Variants in CLEC2A observed in about 807,000 individuals in gnomAD.
CLEC2A encodes the protein C-type lectin domain family 2 member A, also known as keratinocyte-associated C-type lectin.
A neutral mutation model predicts 18.6 loss-of-function variants in CLEC2A; 19 were observed. The observed-to-expected ratio is 1.02, with a 90% confidence interval of 0.71 to 1.50. The LOEUF (loss-of-function observed/expected upper bound fraction) is 1.50. Among genes scored for constraint, CLEC2A ranks in the 40% most tolerant of loss-of-function variants. The pLI is 0.00. For missense variants in CLEC2A, 190 were observed against 207.9 expected, an observed-to-expected ratio of 0.91 and a Z score of 0.53; for synonymous variants, 74 against 64.0, an observed-to-expected ratio of 1.16 and a Z score of -0.75.
At chr12:9,909,657 C>T (rs934208937), downstream of CLEC2A, among the ~76,000 whole-genome samples, 3 of 152,142 alleles carry the variant, frequency 2.0e-5, no homozygotes, top group African/African-American at 7.2e-5. Flanking sequence ...GAGCTGATTC[C>T]CCAGGGATAG....
chr12:9,929,629 T>C (rs1364050702), intron 1 of CLEC2A, among the ~76,000 whole-genome samples: 1 of 152,152 alleles, frequency 6.6e-6, no homozygotes, highest in East Asian at 1.9e-4. Context: ...ATATGAATTT[T>C]TAACTGCTTT....
At chr12:9,907,488 G>C (rs112014144) in intron 4 of CLEC2A, among the ~76,000 whole-genome samples, 227 of 152,176 alleles carry the variant, frequency 1.5e-3, no homozygotes, top group African/African-American at 5.3e-3. Flanking sequence ...CTACTTGTTC[G>C]GGTCCCATCC....
At chr12:9,926,490 T>A in intron 1 of CLEC2A, 147 bp from the exon 2 acceptor site, 2 of 613,118 alleles carry the variant, frequency 3.3e-6, no homozygotes, top group Admixed American at 2.8e-5. Flanking sequence ...TAGCAAACCA[T>A]CAAAAAGTGC....
At chr12:9,889,443 C>T in the CLEC2A span, among the ~76,000 whole-genome samples, 46 of 152,114 alleles carry the variant, frequency 3.0e-4, no homozygotes, top group African/African-American at 1.1e-3. Flanking sequence ...GGATCTTATC[C>T]AATCAATTGA....
chr12:9,904,287 G>A (rs1438238321), intron 4 of CLEC2A, among the ~76,000 whole-genome samples: 1 of 152,204 alleles, frequency 6.6e-6, no homozygotes, highest in Non-Finnish European at 1.5e-5. Context: ...GCTGTGGGGT[G>A]TTGGGAGAGA....
At chr12:9,930,057 AC>A (rs1863349933) in intron 1 of CLEC2A, among the ~76,000 whole-genome samples, 1 of 152,202 alleles carries the variant, frequency 6.6e-6, no homozygotes, top group African/African-American at 2.4e-5. Flanking sequence ...GTATTGTCGT[AC>A]AGTTCTGGAG....
the CLEC2A span, among the ~76,000 whole-genome samples, chr12:9,887,760 A>G: frequency 6.6e-6 from 1 of 151,702 alleles, no homozygotes; most frequent in Non-Finnish European, 1.5e-5. Context: ...ACAAGGGAAA[A>G]TAAGATCAAG....
At chr12:9,917,588 A>G (rs554406404) in intron 3 of CLEC2A, among the ~76,000 whole-genome samples, 10 of 152,246 alleles carry the variant, frequency 6.6e-5, no homozygotes, top group Non-Finnish European at 1.5e-4. Context: ...TCATTTAAAA[A>G]TTAACTCATC....
intron 1 of CLEC2A, among the ~76,000 whole-genome samples, chr12:9,931,492 C>T (rs1863374775): frequency 6.6e-6 from 1 of 152,100 alleles, no homozygotes; most frequent in Admixed American, 6.5e-5. Flanking sequence ...GCTAGAAATG[C>T]TGTAGCTAGA....
At chr12:9,884,293 A>G in the CLEC2A span, among the ~76,000 whole-genome samples, 2 of 151,996 alleles carry the variant, frequency 1.3e-5, no homozygotes, top group African/African-American at 2.4e-5. Context: ...GATGTCATAT[A>G]AGCATCATTA....
the CLEC2A span, among the ~76,000 whole-genome samples, chr12:9,886,275 C>T: frequency 1.3e-5 from 2 of 152,034 alleles, no homozygotes; most frequent in Admixed American, 6.6e-5. Context: ...TTCATGGCTT[C>T]CAGTCAAAAT....
chr12:9,913,737 A>T (rs1030226592), intron 4 of CLEC2A, 57 bp from the exon 5 acceptor site: 3 of 1,103,114 alleles, frequency 2.7e-6, no homozygotes, highest in Non-Finnish European at 3.9e-6. Flanking sequence ...AATCAAAAAG[A>T]CAATTAATAA....
At chr12:9,911,752 CACAG>C (rs1428936297), downstream of CLEC2A, among the ~76,000 whole-genome samples, 4 of 152,270 alleles carry the variant, frequency 2.6e-5, no homozygotes, top group African/African-American at 9.6e-5. Context: ...ACAGTATACA[CACAG>C]ACAGGCAGAA....
chr12:9,916,891 T>A (rs1419223044), intron 3 of CLEC2A, 88 bp from the exon 4 acceptor site: 1 of 767,348 alleles, frequency 1.3e-6, no homozygotes, highest in South Asian at 1.7e-5. Context: ...TTCTATCTTT[T>A]AGGATTCACA....
At chr12:9,894,011 C>A (rs186693092), downstream of CLEC2A, among the ~76,000 whole-genome samples, 1 of 151,804 alleles carries the variant, frequency 6.6e-6, no homozygotes, top group Admixed American at 6.6e-5. Flanking sequence ...TGTTGATATC[C>A]ATTTCTTTTT....
chr12:9,909,332 C>G (rs112121072), downstream of CLEC2A, among the ~76,000 whole-genome samples: 489 of 152,288 alleles, frequency 3.2e-3, 5 homozygotes, highest in Admixed American at 0.015. Context: ...ATCTTGGGCA[C>G]GGAATTCCTC....
chr12:9,878,593 T>C, the CLEC2A span, among the ~76,000 whole-genome samples: 64 of 152,316 alleles, frequency 4.2e-4, no homozygotes, highest in African/African-American at 1.5e-3. Flanking sequence ...CTTCAAGTTT[T>C]GATACTCTAA....
At chr12:9,895,655 A>G (rs1862747942), downstream of CLEC2A, 1 of 1,489,892 alleles carries the variant, frequency 6.7e-7, no homozygotes, top group African/African-American at 1.4e-5. Context: ...TCATTTTAAG[A>G]TAAATGCTGA....
chr12:9,907,908 C>T (rs185094840), intron 4 of CLEC2A, among the ~76,000 whole-genome samples: 181 of 152,256 alleles, frequency 1.2e-3, no homozygotes, highest in Non-Finnish European at 1.9e-3. Context: ...TTGATGGTCA[C>T]GTGGGATTTT....
Sources: allele counts gnomAD v4.1 joint callset (sites outside exome capture counted in the v4.1 genomes callset), GRCh38; gene constraint gnomAD v4.1.1; transcripts MANE v1.5; gene names NCBI Gene and HGNC (gene_info 2026-07-23, HGNC 2026-07-21).